Variants in STXBP5L observed in about 807,000 individuals in gnomAD.
STXBP5L encodes syntaxin-binding protein 5-like.
In STXBP5L, 65 loss-of-function variants were observed where a neutral mutation model predicts 144.5. That is an observed-to-expected ratio of 0.45 (90% CI 0.37 to 0.55). The LOEUF (loss-of-function observed/expected upper bound fraction) is 0.55, where lower values mean the gene tolerates loss of function less well. STXBP5L is among the 20% of genes least tolerant of loss of function. The probability of loss-of-function intolerance (pLI) is 0.00; values close to 1 mark genes in which losing one functional copy is unlikely to be tolerated. For synonymous variants in STXBP5L, 505 were observed against 469.6 expected, an observed-to-expected ratio of 1.08 and a Z score of -0.97; for missense variants, 1,298 against 1,405.5, an observed-to-expected ratio of 0.92 and a Z score of 1.22.
At chr3:121,097,710 C>T (rs1014942894) in intron 5 of STXBP5L, among the ~76,000 whole-genome samples, 2 of 152,196 alleles carry the variant, frequency 1.3e-5, no homozygotes, top group Non-Finnish European at 2.9e-5. Context: ...AATCACCCAC[C>T]TTCTGTGTCG....
At chr3:121,049,960 G>A (rs951437677) in intron 5 of STXBP5L, among the ~76,000 whole-genome samples, 1 of 152,118 alleles carries the variant, frequency 6.6e-6, no homozygotes, top group African/African-American at 2.4e-5. Flanking sequence ...AGGATGCAAA[G>A]GTCCATGACA....
chr3:121,168,210 TCC>T (rs2046571909), intron 9 of STXBP5L, among the ~76,000 whole-genome samples: 4 of 151,790 alleles, frequency 2.6e-5, no homozygotes, highest in Admixed American at 6.6e-5. Flanking sequence ...GGTAGATAAA[TCC>T]ATGAAGATGG....
At chr3:121,007,401 A>G (rs527685818) in intron 3 of STXBP5L, among the ~76,000 whole-genome samples, 1 of 151,986 alleles carries the variant, frequency 6.6e-6, no homozygotes, top group African/African-American at 2.4e-5. Flanking sequence ...CTCAAATTTA[A>G]TTGAGAATTA....
intron 20 of STXBP5L, among the ~76,000 whole-genome samples, chr3:121,363,753 T>G (rs373707779): frequency 1.3e-4 from 19 of 151,326 alleles, no homozygotes; most frequent in African/African-American, 3.9e-4. Flanking sequence ...TGAAGGTGGG[T>G]TTTTTTTTCT....
In STXBP5L at chr3:120,948,574, G is replaced by A. The variant is rs1456235441; in HGVS notation, c.190-6366G>A. ...ACCCAACTCCCACCCTTCCTCCTGA[G>A]CCCCCAAAATCCATTATATCATTCT... On this transcript the variant is annotated intron_variant, in intron 2 of 26. Transcript: ENST00000471454. Among the ~76,000 whole-genome samples, 8 of 151,792 alleles carry A rather than the reference G, an allele frequency of 5.3e-5. No homozygotes were observed. In the South Asian group the frequency reaches 1.0e-3, roughly 20 times the overall value.
chr3:121,041,243 C>A (rs1947131408), intron 3 of STXBP5L, among the ~76,000 whole-genome samples: 1 of 151,786 alleles, frequency 6.6e-6, no homozygotes, highest in Non-Finnish European at 1.5e-5. Context: ...CAGTCTATTT[C>A]TTTATGATCT....
Position 121,281,479 on chromosome 3 carries a change from G to A in STXBP5L, c.2110+1523G>A, listed in dbSNP as rs535274859. ...ATAGAAAGGTGTTAGGGGGCAGTAG[G>A]CTATTTATAATTAAAAATTTAGTTC... On this transcript the variant is annotated intron_variant, in intron 19 of 26. Transcript: ENST00000471454. Among the ~76,000 whole-genome samples, 30 of 152,058 alleles carry A rather than the reference G, an allele frequency of 2.0e-4. No individual in the cohort carries two copies. The South Asian group carries it at 3.7e-3, about 19-fold the overall frequency.
intron 5 of STXBP5L, among the ~76,000 whole-genome samples, chr3:121,049,963 C>T (rs1947833945): frequency 6.6e-6 from 1 of 152,092 alleles, no homozygotes; most frequent in Admixed American, 6.6e-5. Context: ...ATGCAAAGGT[C>T]CATGACAGAA....
chr3:121,025,558 C>G (rs73187419), intron 3 of STXBP5L, among the ~76,000 whole-genome samples: 5,404 of 152,108 alleles, frequency 0.036, 144 homozygotes, highest in Middle Eastern at 0.082. Context: ...AAAGGTTTTA[C>G]TGTTCCATAT....
intron 7 of STXBP5L, among the ~76,000 whole-genome samples, chr3:121,146,129 C>T (rs977912925): frequency 2.6e-5 from 4 of 151,984 alleles, no homozygotes; most frequent in African/African-American, 9.7e-5. Context: ...ACTTAGTCAG[C>T]TTATAGAGAG....
In STXBP5L at chr3:121,042,123, T is replaced by G. The variant is rs139447134; in HGVS notation, c.369+342T>G. ...CTTCCCACCAACTTAAATTTTGTAA[T>G]TAAGGCCTAACTTCATATTTTATCT... On this transcript the variant is annotated intron_variant, in intron 4 of 26. Transcript: ENST00000471454. 2.5e-3 allele frequency among the ~76,000 whole-genome samples: 387 copies of G among 152,274 alleles called. 4 individuals are homozygous for G. Among genetic ancestry groups the G allele is most frequent in the African/African-American group, 8.7e-3 (361 of 41,570 alleles).
At chr3:121,390,336 C>A (rs368006368) in intron 22 of STXBP5L, among the ~76,000 whole-genome samples, 4 of 152,136 alleles carry the variant, frequency 2.6e-5, no homozygotes, top group South Asian at 4.1e-4. Flanking sequence ...CTTGACTCTT[C>A]ATCCAATTTG....
At chr3:121,364,673 T>A (rs2045813895) in intron 20 of STXBP5L, among the ~76,000 whole-genome samples, 1 of 152,006 alleles carries the variant, frequency 6.6e-6, no homozygotes, top group African/African-American at 2.4e-5. Context: ...ACTTCCTTGG[T>A]TAAATTAATT....
chr3:121,351,431 G>C (rs750144988), intron 20 of STXBP5L, among the ~76,000 whole-genome samples: 2 of 152,246 alleles, frequency 1.3e-5, no homozygotes, highest in African/African-American at 2.4e-5. Flanking sequence ...GAGGCAGTCT[G>C]TGTGTTCTCA....
chr3:121,082,570 AC>A (rs2107697812), intron 5 of STXBP5L, among the ~76,000 whole-genome samples: 1 of 152,270 alleles, frequency 6.6e-6, no homozygotes, highest in South Asian at 2.1e-4. Flanking sequence ...CTCTGCTCTG[AC>A]CATCTTGAAA....
In STXBP5L at chr3:121,318,439, C is replaced by T. The variant is rs761097061; in HGVS notation, c.2111-36C>T. On this transcript the variant is annotated intron_variant, in intron 19 of 26. Coordinates refer to ENST00000471454, the MANE Select transcript of STXBP5L (RefSeq NM_001308330.2). ...ATAAGAATAACCTACAAAATGCTAGCAAAATTTATCTCATTTTTTTTCATT... is the reference window on the plus strand; with the variant it reads ...ATAAGAATAACCTACAAAATGCTAGTAAAATTTATCTCATTTTTTTTCATT... 6.0e-6 allele frequency: 9 copies of T among 1,500,766 alleles called. No homozygotes were observed. The African/African-American group carries it at 1.3e-4, about 21-fold the overall frequency. The allele number at this position is 1,500,766 out of a possible 1,614,324, so 93.0% of individuals were successfully genotyped here.
At chr3:120,996,465 T>A (rs1943358013) in intron 3 of STXBP5L, among the ~76,000 whole-genome samples, 1 of 152,068 alleles carries the variant, frequency 6.6e-6, no homozygotes, top group African/African-American at 2.4e-5. Context: ...TTTTGAGGAG[T>A]GTTGAGACTT....
chr3:121,367,790 C>CTT (rs200992044), intron 20 of STXBP5L, among the ~76,000 whole-genome samples: 2 of 106,302 alleles, frequency 1.9e-5, no homozygotes, highest in South Asian at 6.4e-4. Flanking sequence ...TTTGCTTTTC[C>CTT]TTTTTTTTTT....
intron 2 of STXBP5L, among the ~76,000 whole-genome samples, chr3:120,916,188 A>G (rs1002151964): frequency 7.2e-5 from 11 of 152,246 alleles, no homozygotes; most frequent in Admixed American, 6.5e-4. Flanking sequence ...GATGGTTTAT[A>G]GAATTATTTT....
Sources: allele counts gnomAD v4.1 joint callset (sites outside exome capture counted in the v4.1 genomes callset), GRCh38; gene constraint gnomAD v4.1.1; transcripts MANE v1.5; gene names NCBI Gene and HGNC (gene_info 2026-07-23, HGNC 2026-07-21).